The following TRIM49B variants were observed in gnomAD, a reference collection of about 807,000 sequenced individuals.
TRIM49B encodes putative tripartite motif-containing protein 49B.
TRIM49B carries 18 observed loss-of-function variants against 31.8 expected under a neutral mutation model. The observed-to-expected ratio is 0.57, with a 90% CI of 0.39 to 0.84. TRIM49B has a LOEUF of 0.84. TRIM49B is among the 40% of genes least tolerant of loss of function. The pLI, the probability that TRIM49B is intolerant of heterozygous loss-of-function variation, is 0.00. For missense variants in TRIM49B, 494 were observed against 538.7 expected (o/e 0.92, Z 0.82); for synonymous variants, 196 against 180.6 (o/e 1.09, Z -0.68).
Position 49,031,639 on chromosome 11 carries a change from A to G in TRIM49B, c.40A>G (p.Ile14Val), listed in dbSNP as rs1854447814. Residue 14 changes from isoleucine to valine, a missense_variant, in exon 2 of 7, where the codon ATC (isoleucine) becomes GTC (valine). Coordinates refer to ENST00000332682, the MANE Select transcript of TRIM49B (RefSeq NM_001206626.2). ...GILQVFQREL[I>V]CPICMNYFID... is the part of the protein sequence containing the mutation. ...CTTACAGGTCTTTCAGAGGGAACTC[A>G]TCTGCCCCATCTGCATGAACTACTT... The G allele has an allele frequency of 6.2e-7, 1 of 1,613,962 alleles. No homozygotes were observed. The highest frequency in any genetic ancestry group is 8.5e-7 in the Non-Finnish European group (1 of 1,179,868).
Position 49,031,805 on chromosome 11 carries a change from ATT to A in TRIM49B, c.208_209del (p.Phe70GlnfsTer8), listed in dbSNP as rs748036055. 1 of 1,613,986 alleles carries A rather than the reference ATT, an allele frequency of 6.2e-7. No individual in the cohort carries two copies. Among genetic ancestry groups the A allele is most frequent in the Non-Finnish European group, 8.5e-7 (1 of 1,179,868 alleles). Reference sequence around the variant, plus strand: ...CAGATAAACCTCAAAACCAACATTCATTTCAAGAAGATGGCTTCTCTTGCTAG... The same window carrying A: ...CAGATAAACCTCAAAACCAACATTCATCAAGAAGATGGCTTCTCTTGCTAG... On this transcript the variant is annotated frameshift_variant, in exon 2 of 7. Transcript: ENST00000332682. LOFTEE classifies it high-confidence loss of function.
At chr11:49,033,568 G>A (rs1590635042) in intron 3 of TRIM49B, among the ~76,000 whole-genome samples, 1 of 152,194 alleles carries the variant, frequency 6.6e-6, no homozygotes, top group South Asian at 2.1e-4. Flanking sequence ...TTGAGTTTGT[G>A]TATATTTGGA....
chr11:49,035,852 A>C (rs1342513682), intron 5 of TRIM49B, among the ~76,000 whole-genome samples: 1 of 152,152 alleles, frequency 6.6e-6, no homozygotes, highest in East Asian at 1.9e-4. Flanking sequence ...ATCGAAAAAA[A>C]CTGGAGTGTT....
chr11:49,033,801 A>G (rs1854484317), intron 3 of TRIM49B, among the ~76,000 whole-genome samples: 1 of 152,210 alleles, frequency 6.6e-6, no homozygotes, highest in South Asian at 2.1e-4. Context: ...AATAGAAATA[A>G]TTGTTTCCTT....
At chr11:49,033,655 G>A (rs1161149343) in intron 3 of TRIM49B, among the ~76,000 whole-genome samples, 2 of 152,128 alleles carry the variant, frequency 1.3e-5, no homozygotes, top group Non-Finnish European at 1.5e-5. Flanking sequence ...ATGAATTCAG[G>A]GAGACAAAGA....
chr11:49,037,569 T>G lies in TRIM49B; in HGVS notation c.951T>G (p.Asp317Glu). The change falls in exon 7 of 7, where the codon GAT (aspartate) becomes GAG (glutamate). Residue 317 changes from aspartate (D) to glutamate (E), a missense_variant. By Grantham distance (45) the Asp-to-Glu change is conservative. Coordinates refer to ENST00000332682, the MANE Select transcript of TRIM49B (RefSeq NM_001206626.2). ...TGTGTATTGGATGTGACCATCAAGA[T>G]GTACCCTATTTCACTGCAACACCTA... Reference protein sequence around the residue: ...RSMCIGCDHQDVPYFTATPRS... With the variant: ...RSMCIGCDHQEVPYFTATPRS... The G allele has an allele frequency of 6.2e-7, 1 of 1,614,198 alleles. No homozygotes were observed. Among genetic ancestry groups the G allele is most frequent in the East Asian group, 2.2e-5 (1 of 44,882 alleles).
rs765418383 is a variant in TRIM49B, at chr11:49,034,333, A to G, written c.695A>G (p.Glu232Gly). 23 of 1,612,014 alleles carry G rather than the reference A, an allele frequency of 1.4e-5. No homozygotes were observed. The highest frequency in any genetic ancestry group is 1.8e-5 in the Non-Finnish European group (21 of 1,179,826). Residue 232 changes from glutamate to glycine, a missense_variant, in exon 4 of 7, where the codon GAG becomes GGG. Glu to Gly is a moderately conservative substitution (Grantham distance 98). This residue lies in a region of TRIM49B where 233 missense variants were observed against 281.4 expected (regional missense o/e 0.83). Transcript: ENST00000332682. ...RREILRGMYE[E>G]LNEMCHKPDV... ...GAGATTTTAAGAGGAATGTATGAGGAGCTGAACGAAATGTGCCATAAACCA... is the reference window on the plus strand; with the variant it reads ...GAGATTTTAAGAGGAATGTATGAGGGGCTGAACGAAATGTGCCATAAACCA...
chr11:49,034,211 T>G lies in TRIM49B; in HGVS notation c.573T>G (p.His191Gln). The G allele has an allele frequency of 1.9e-6, 3 of 1,611,910 alleles. No individual in the cohort carries two copies. Among genetic ancestry groups the G allele is most frequent in the Middle Eastern group, 4.5e-4 (2 of 4,430 alleles). The change falls in exon 4 of 7, where the codon CAT (histidine) becomes CAG (glutamine). Residue 191 changes from histidine (H) to glutamine (Q), a missense_variant. Coordinates refer to ENST00000332682, the MANE Select transcript of TRIM49B (RefSeq NM_001206626.2). ...ATCAGAAGATGCCTGCATTTCACCA[T>G]GAAGAAGAAAAACATAATTTGGAGA... ...AEYQKMPAFH[H>Q]EEEKHNLEML...
rs991021370 is a variant in TRIM49B, at chr11:49,034,394, G to A, written c.738+18G>A. On this transcript the variant is annotated intron_variant, in intron 4 of 6. Transcript: ENST00000332682. Reference sequence around the variant, plus strand: ...TACTTCAGGTACAAACTCGCCATGTGGTTTCAGGTTTTTGAATATTCACAT... The same window carrying A: ...TACTTCAGGTACAAACTCGCCATGTAGTTTCAGGTTTTTGAATATTCACAT... The A allele has an allele frequency of 4.0e-5, 65 of 1,611,880 alleles. No individual in the cohort carries two copies. The highest frequency in any genetic ancestry group is 5.3e-5 in the Non-Finnish European group (63 of 1,179,794).
intron 3 of TRIM49B, 24 bp from the exon 4 acceptor site, chr11:49,034,122 T>C (rs1303829560): frequency 1.2e-6 from 2 of 1,611,478 alleles, no homozygotes; most frequent in Admixed American, 3.3e-5. Flanking sequence ...CATTTCTCTT[T>C]TGACTAACCC....
At chr11:49,035,468 C>T (rs1320211262) in intron 5 of TRIM49B, among the ~76,000 whole-genome samples, 2 of 149,880 alleles carry the variant, frequency 1.3e-5, no homozygotes, top group Admixed American at 6.7e-5. Context: ...CACACCATTC[C>T]CCTGCCTCAG....
intron 3 of TRIM49B, 98 bp downstream of exon 3, chr11:49,032,469 G>C: frequency 6.6e-7 from 1 of 1,506,982 alleles, no homozygotes; most frequent in Non-Finnish European, 8.8e-7. Flanking sequence ...ATGTTTCTGG[G>C]ATTCAGTAAA....
chr11:49,032,314 A>C lies in TRIM49B; in HGVS notation c.450A>C (p.Lys150Asn), dbSNP rs905007989. The change falls in exon 3 of 7, where the codon AAA becomes AAC. Residue 150 changes from lysine to asparagine, a missense_variant. Coordinates refer to ENST00000332682, the MANE Select transcript of TRIM49B (RefSeq NM_001206626.2). ...AGAAAATGCAGTCTTTGTGGGAAAA[A>C]GCTTGTGAAAATCACAGAAACCTGA... ...LLQKMQSLWE[K>N]ACENHRNLNV... The C allele has an allele frequency of 3.1e-6, 5 of 1,613,302 alleles. No individual in the cohort carries two copies. Among genetic ancestry groups the C allele is most frequent in the Admixed American group, 3.3e-5 (2 of 59,964 alleles).
Position 49,038,085 on chromosome 11 carries a change from C to A in TRIM49B, c.*108C>A, listed in dbSNP as rs779589987. On this transcript the variant is annotated 3_prime_UTR_variant, in exon 7 of 7. Transcript: ENST00000332682. ...AGGACAAATAGGCTCTATTTTATAT[C>A]TTGAATTGCCTTCTAATGTTATCAA... The A allele has an allele frequency of 3.9e-5, 60 of 1,553,880 alleles. No homozygotes were observed. Among genetic ancestry groups the A allele is most frequent in the Non-Finnish European group, 4.9e-5 (57 of 1,159,008 alleles).
At chr11:49,030,293 C>T (rs1397174531) in intron 1 of TRIM49B, among the ~76,000 whole-genome samples, 1 of 152,128 alleles carries the variant, frequency 6.6e-6, no homozygotes, top group African/African-American at 2.4e-5. Flanking sequence ...GCCGAGATCA[C>T]GCCACTGCAT....
chr11:49,037,218 G>T (rs905876582), intron 6 of TRIM49B, among the ~76,000 whole-genome samples: 24 of 152,074 alleles, frequency 1.6e-4, no homozygotes, highest in African/African-American at 5.8e-4. Flanking sequence ...GGCATACAAT[G>T]TATAAATTTT....
intron 2 of TRIM49B, 74 bp downstream of exon 2, chr11:49,032,084 T>A (rs1233017412): frequency 6.2e-7 from 1 of 1,609,436 alleles, no homozygotes; most frequent in African/African-American, 1.3e-5. Flanking sequence ...TCTTGGAGAT[T>A]GGATAAAACA....
rs745589590 is a variant in TRIM49B, at chr11:49,037,674, T to C, written c.1056T>C (p.Asn352=). 98 of 1,613,838 alleles carry C rather than the reference T, an allele frequency of 6.1e-5. No individual in the cohort carries two copies. Among genetic ancestry groups the C allele is most frequent in the South Asian group, 1.3e-4 (12 of 91,076 alleles). Residue 352 remains asparagine, a synonymous_variant, in exon 7 of 7, where the codon AAT becomes AAC. Coordinates refer to ENST00000332682, the MANE Select transcript of TRIM49B (RefSeq NM_001206626.2). ...YWEVHVGDSW[N]WAFGVCNMYW... is the part of the protein sequence containing the mutation. ...AGGTCCATGTAGGGGACTCCTGGAA[T>C]TGGGCTTTTGGTGTCTGTAATATGT...
At chr11:49,031,502 A>C (rs923697228) in intron 1 of TRIM49B, 94 bp from the exon 2 acceptor site, 2 of 1,543,274 alleles carry the variant, frequency 1.3e-6, no homozygotes, top group Non-Finnish European at 1.7e-6. Flanking sequence ...AACACTGTCA[A>C]GAGAAGAAAA....
Sources: allele counts gnomAD v4.1 joint callset (sites outside exome capture counted in the v4.1 genomes callset), GRCh38; gene constraint gnomAD v4.1.1; regional missense constraint gnomAD v4.1.1; transcripts MANE v1.5; gene names NCBI Gene and HGNC (gene_info 2026-07-23, HGNC 2026-07-21).